ABCB5: variants seen among roughly 807,000 people sequenced by gnomAD.
The protein encoded by ABCB5 is ATP-binding cassette sub-family B member 5.
In ABCB5, 155 loss-of-function variants were observed where a neutral mutation model predicts 144.2. The observed-to-expected ratio is 1.08, with a 90% CI of 0.94 to 1.23. The LOEUF is 1.23. Ranked by LOEUF, ABCB5 falls within the 50% of genes most tolerant of loss-of-function variation. The pLI is 0.00. For missense variants in ABCB5, 1,830 were observed against 1,520.8 expected (o/e 1.20, Z -3.38); for synonymous variants, 610 against 528.6 (o/e 1.15, Z -2.11).
chr7:20,617,666 C>T (rs929653776), intron 1 of ABCB5, among the ~76,000 whole-genome samples: 2 of 152,044 alleles, frequency 1.3e-5, no homozygotes, highest in Non-Finnish European at 2.9e-5. Context: ...ACCCAAAAAT[C>T]GCATTTTTAT....
intron 20 of ABCB5, among the ~76,000 whole-genome samples, chr7:20,711,864 T>TTCTTTCCTTCCTC (rs1787080855): frequency 2.4e-5 from 1 of 42,282 alleles, no homozygotes; most frequent in Non-Finnish European, 4.3e-5. Flanking sequence ...TTTCTTTCCT[T>TTCTTTCCTTCCTC]CCTCCCTCCC....
intron 7 of ABCB5, among the ~76,000 whole-genome samples, chr7:20,644,863 A>G (rs932477900): frequency 6.6e-6 from 1 of 152,202 alleles, no homozygotes; most frequent in African/African-American, 2.4e-5. Context: ...GTCTTTACTT[A>G]GTGTGACTCC....
intron 16 of ABCB5, among the ~76,000 whole-genome samples, chr7:20,694,530 G>A (rs1786342802): frequency 6.6e-6 from 1 of 151,964 alleles, no homozygotes; most frequent in Non-Finnish European, 1.5e-5. Context: ...GAAAGACTAA[G>A]ATCGAGAACA....
chr7:20,714,786 C>T (rs948522086), intron 20 of ABCB5, among the ~76,000 whole-genome samples: 1 of 152,116 alleles, frequency 6.6e-6, no homozygotes, highest in African/African-American at 2.4e-5. Flanking sequence ...GTAGAAAGTT[C>T]TTGTGTCCCA....
At chr7:20,728,773 A>G (rs1342218234) in intron 23 of ABCB5, among the ~76,000 whole-genome samples, 1 of 152,176 alleles carries the variant, frequency 6.6e-6, no homozygotes, top group Non-Finnish European at 1.5e-5. Context: ...AAATTAATTA[A>G]TAAGTTGTGG....
In ABCB5 at chr7:20,643,342, G is replaced by T. The variant is rs1263928316; in HGVS notation, c.473G>T (p.Cys158Phe). The change falls in exon 6 of 28, where the codon TGT (cysteine) becomes TTT (phenylalanine). Residue 158 changes from cysteine to phenylalanine, a missense_variant. Transcript: ENST00000404938. ...LAQDIGWFDS[C>F]DIGELNTRMT... ...CAGGACATCGGCTGGTTTGATAGCT[G>T]TGACATCGGTGAACTTAACACTCGC... 1.9e-6 allele frequency: 3 copies of T among 1,613,960 alleles called. No homozygotes were observed.
In ABCB5 at chr7:20,648,007, C is replaced by T. The variant is rs1205737322; in HGVS notation, c.1135C>T (p.Pro379Ser). ...IDNFSTAGYK[P>S]ESIEGTVEFK... is the part of the protein sequence containing the mutation. Reference sequence around the variant, plus strand: ...TAACTTTTCCACAGCTGGATATAAACCTGAATCCATAGAAGGAACTGTGGA... The same window carrying T: ...TAACTTTTCCACAGCTGGATATAAATCTGAATCCATAGAAGGAACTGTGGA... The change falls in exon 11 of 28, where the codon CCT (proline) becomes TCT (serine). Residue 379 changes from proline (P) to serine (S), a missense_variant. Pro to Ser is a moderately conservative substitution (Grantham distance 74). Transcript: ENST00000404938. 10 of 1,611,520 alleles carry T rather than the reference C, an allele frequency of 6.2e-6. No homozygotes were observed. Among genetic ancestry groups the T allele is most frequent in the Non-Finnish European group, 7.6e-6 (9 of 1,178,066 alleles).
intron 20 of ABCB5, among the ~76,000 whole-genome samples, chr7:20,706,040 T>G (rs1786810823): frequency 6.6e-6 from 1 of 152,166 alleles, no homozygotes. Context: ...AGAATTTTGT[T>G]AGATAGTATT....
chr7:20,669,071 C>G (rs1188363820), intron 14 of ABCB5, among the ~76,000 whole-genome samples: 1 of 145,546 alleles, frequency 6.9e-6, no homozygotes, highest in Non-Finnish European at 1.5e-5. Flanking sequence ...AGCCCCTCTG[C>G]CTGGCCAGCC....
At chr7:20,643,058 TA>T (rs1157109502) in intron 5 of ABCB5, 125 bp from the exon 6 acceptor site, 5 of 778,408 alleles carry the variant, frequency 6.4e-6, no homozygotes, top group Non-Finnish European at 1.0e-5. Context: ...CATGGCATGT[TA>T]TTTTTAGTTC....
intron 23 of ABCB5, among the ~76,000 whole-genome samples, chr7:20,735,998 G>A (rs1782367723): frequency 6.6e-6 from 1 of 152,162 alleles, no homozygotes; most frequent in African/African-American, 2.4e-5. Context: ...TATCTGTTGA[G>A]AAAAGGATTT....
intron 1 of ABCB5, among the ~76,000 whole-genome samples, chr7:20,616,364 C>T (rs1286206724): frequency 6.6e-6 from 1 of 152,136 alleles, no homozygotes; most frequent in Non-Finnish European, 1.5e-5. Flanking sequence ...CCAAAGATCC[C>T]ATGTTTTCCA....
At chr7:20,642,631 T>C (rs751142457) in intron 5 of ABCB5, among the ~76,000 whole-genome samples, 1 of 152,248 alleles carries the variant, frequency 6.6e-6, no homozygotes, top group Non-Finnish European at 1.5e-5. Flanking sequence ...GGGCACTCAG[T>C]ATACATTTAT....
At chr7:20,634,344 G>C (rs1208136756) in intron 5 of ABCB5, among the ~76,000 whole-genome samples, 1 of 151,356 alleles carries the variant, frequency 6.6e-6, no homozygotes, top group Non-Finnish European at 1.5e-5. Flanking sequence ...TTGTGAATAG[G>C]GCTACAATAA....
intron 9 of ABCB5, 181 bp from the exon 10 acceptor site, chr7:20,647,354 G>A: frequency 1.5e-6 from 2 of 1,337,250 alleles, no homozygotes; most frequent in Non-Finnish European, 1.9e-6. Flanking sequence ...TTGCTTCTCG[G>A]CCTTTTGGCT....
chr7:20,674,146 C>A (rs558039593), intron 14 of ABCB5, among the ~76,000 whole-genome samples: 1 of 151,886 alleles, frequency 6.6e-6, no homozygotes, highest in Non-Finnish European at 1.5e-5. Flanking sequence ...TAAAATTAAT[C>A]ATTAGTTTTT....
At chr7:20,740,341 A>T (rs1330740043) in intron 24 of ABCB5, among the ~76,000 whole-genome samples, 1 of 152,222 alleles carries the variant, frequency 6.6e-6, no homozygotes, top group Non-Finnish European at 1.5e-5. Context: ...AAATAAAAAT[A>T]GTCCATTAGG....
At chr7:20,633,653 T>C (rs1784088162) in intron 5 of ABCB5, among the ~76,000 whole-genome samples, 1 of 152,170 alleles carries the variant, frequency 6.6e-6, no homozygotes, top group African/African-American at 2.4e-5. Flanking sequence ...TTTGAAATCA[T>C]GTAATATATT....
intron 14 of ABCB5, among the ~76,000 whole-genome samples, chr7:20,671,692 A>G (rs1421851508): frequency 6.6e-6 from 1 of 152,232 alleles, no homozygotes; most frequent in Non-Finnish European, 1.5e-5. Context: ...ACTTATGACT[A>G]TGCCACAATT....
Sources: allele counts gnomAD v4.1 joint callset (sites outside exome capture counted in the v4.1 genomes callset), GRCh38; gene constraint gnomAD v4.1.1; transcripts MANE v1.5; gene names NCBI Gene and HGNC (gene_info 2026-07-23, HGNC 2026-07-21).